MAPK8: variants seen among roughly 807,000 people sequenced by gnomAD.
The protein encoded by MAPK8 is JUN N-terminal kinase.
MAPK8 carries 13 observed loss-of-function variants against 52.9 expected under a neutral mutation model. The ratio of observed to expected loss-of-function variants is 0.25; its 90% CI spans 0.16 to 0.39. MAPK8 has a LOEUF of 0.39. MAPK8 is among the 10% of genes least tolerant of loss of function. The pLI, the probability that MAPK8 is intolerant of heterozygous loss-of-function variation, is 1.00. For synonymous variants in MAPK8, 191 were observed against 169.8 expected (o/e 1.12, Z -0.97); for missense variants, 300 against 519.2 (o/e 0.58, Z 4.10).
intron 3 of MAPK8, among the ~76,000 whole-genome samples, chr10:48,406,969 C>T (rs1589216697): frequency 1.3e-5 from 2 of 152,290 alleles, no homozygotes; most frequent in African/African-American, 4.8e-5. Flanking sequence ...CGTTGTCTTT[C>T]TTTGTTACAG....
chr10:48,371,971 G>C (rs1309416000), intron 1 of MAPK8, among the ~76,000 whole-genome samples: 1 of 152,132 alleles, frequency 6.6e-6, no homozygotes, highest in East Asian at 1.9e-4. Flanking sequence ...CGTGGAGAAG[G>C]GGCATGGAGT....
At chr10:48,354,546 G>C (rs560985413) in intron 1 of MAPK8, among the ~76,000 whole-genome samples, 6 of 152,294 alleles carry the variant, frequency 3.9e-5, no homozygotes, top group African/African-American at 1.4e-4. Flanking sequence ...TTAAAACAAA[G>C]ATTGCTGGGC....
At chr10:48,402,984 T>C (rs1463658560) in intron 2 of MAPK8, among the ~76,000 whole-genome samples, 1 of 152,162 alleles carries the variant, frequency 6.6e-6, no homozygotes, top group African/African-American at 2.4e-5. Flanking sequence ...AATATATATA[T>C]ACATCATTAT....
intron 1 of MAPK8, among the ~76,000 whole-genome samples, chr10:48,374,095 C>G (rs570377074): frequency 6.6e-6 from 1 of 152,154 alleles, no homozygotes; most frequent in Non-Finnish European, 1.5e-5. Flanking sequence ...GAAACTCACT[C>G]AAAAACGCAC....
At chr10:48,307,796 A>G (rs1295376563) in intron 1 of MAPK8, among the ~76,000 whole-genome samples, 1 of 152,146 alleles carries the variant, frequency 6.6e-6, no homozygotes, top group African/African-American at 2.4e-5. Flanking sequence ...GGCAATTAGA[A>G]CATCTGTTTT....
chr10:48,438,216 C>G lies in MAPK8; in HGVS notation c.*3187C>G, dbSNP rs555072077. On this transcript the variant is annotated 3_prime_UTR_variant, in exon 12 of 12. Transcript: ENST00000374189. ...TAAACTTCTCTTACCAGTAGGTAAA[C>G]CAAACACCATTCTGTCATTAGCAGC... 3 of 152,240 alleles carry G rather than the reference C, an allele frequency of 2.0e-5. No individual in the cohort carries two copies. The highest frequency in any genetic ancestry group is 4.4e-5 in the Non-Finnish European group (3 of 68,046). 9.4% of individuals were successfully genotyped at this position (152,240 alleles called of 1,614,324 possible).
At chr10:48,328,416 T>C (rs1843745475) in intron 1 of MAPK8, among the ~76,000 whole-genome samples, 1 of 152,152 alleles carries the variant, frequency 6.6e-6, no homozygotes, top group Admixed American at 6.5e-5. Context: ...TTGTCTCACA[T>C]TTGGCCAGTG....
At position 48,420,325 on chromosome 10, in the gene MAPK8, GCA is replaced by G. The variant is rs2043281387; in HGVS notation, c.616+12_616+13del. 6.4e-7 allele frequency: 1 copy of G among 1,566,476 alleles called. No homozygotes were observed. The highest frequency in any genetic ancestry group is 8.7e-7 in the Non-Finnish European group (1 of 1,154,112). The stretch of plus-strand genomic sequence containing the variant: ...GCATGGGCTACAAGGAAAACGGTCA[GCA>G]CACACATTTATTTGAAATATTTTTC... On this transcript the variant is annotated splice_donor_region_variant and intron_variant, in intron 6 of 11. Transcript: ENST00000374189.
rs1360808463 is a variant in MAPK8 at position 48,427,185 on chromosome 10, T to G, written c.1060+42T>G. On this transcript the variant is annotated intron_variant, in intron 10 of 11. Coordinates refer to ENST00000374189, the MANE Select transcript of MAPK8 (RefSeq NM_001323329.2). ...CTTAGAGGGAAAACTGTGAAGGAGC[T>G]TCTGGTTTTTATATGGTGATTTATT... 3 of 1,478,076 alleles carry G rather than the reference T, an allele frequency of 2.0e-6. No homozygotes were observed. In the South Asian group the frequency reaches 3.5e-5, roughly 17 times the overall value. 91.6% of individuals were successfully genotyped at this position (1,478,076 alleles called of 1,614,324 possible). A position where few individuals can be genotyped will look rare whatever the true frequency, so the allele number is the denominator to read the frequency against.
chr10:48,375,038 C>T (rs1394542759), intron 1 of MAPK8, among the ~76,000 whole-genome samples: 1 of 151,880 alleles, frequency 6.6e-6, no homozygotes, highest in Non-Finnish European at 1.5e-5. Context: ...AGCTTATCCA[C>T]CATGATCAAG....
chr10:48,321,947 T>C (rs1843039719), intron 1 of MAPK8, among the ~76,000 whole-genome samples: 1 of 152,204 alleles, frequency 6.6e-6, no homozygotes, highest in Admixed American at 6.5e-5. Flanking sequence ...TATTTATATA[T>C]AGATACACAC....
intron 1 of MAPK8, among the ~76,000 whole-genome samples, chr10:48,376,297 C>G (rs775220068): frequency 6.6e-6 from 1 of 152,100 alleles, no homozygotes; most frequent in Non-Finnish European, 1.5e-5. Context: ...AGAGGAAAAC[C>G]TAGGCAGTAC....
At chr10:48,407,556 TTTTGAAAA>T (rs1356054163) in intron 3 of MAPK8, among the ~76,000 whole-genome samples, 1 of 152,162 alleles carries the variant, frequency 6.6e-6, no homozygotes, top group Non-Finnish European at 1.5e-5. Context: ...TTATTTCCCT[TTTTGAAAA>T]ATGGGACAAC....
intron 1 of MAPK8, among the ~76,000 whole-genome samples, chr10:48,363,630 G>T (rs992013771): frequency 6.6e-6 from 1 of 152,004 alleles, no homozygotes; most frequent in East Asian, 1.9e-4. Flanking sequence ...GAACATATTT[G>T]TTACTGTTTT....
chr10:48,346,411 G>A (rs946900801), intron 1 of MAPK8, among the ~76,000 whole-genome samples: 5 of 152,238 alleles, frequency 3.3e-5, no homozygotes, highest in Non-Finnish European at 7.3e-5. Flanking sequence ...TGTTATGCCC[G>A]GACAGGGCCA....
chr10:48,322,315 T>TAAAA (rs10666309), intron 1 of MAPK8, among the ~76,000 whole-genome samples: 1 of 150,566 alleles, frequency 6.6e-6, no homozygotes. Context: ...TTTCATGATT[T>TAAAA]AAAAAAAAAA....
At chr10:48,425,803 T>A in intron 7 of MAPK8, 85 bp from the exon 8 acceptor site, 1 of 457,382 alleles carries the variant, frequency 2.2e-6, no homozygotes, top group Non-Finnish European at 3.4e-6. Context: ...TAGGAATTTT[T>A]AAATTTCTAT....
At chr10:48,349,206 C>G (rs1589027745) in intron 1 of MAPK8, among the ~76,000 whole-genome samples, 1 of 152,070 alleles carries the variant, frequency 6.6e-6, no homozygotes, top group Non-Finnish European at 1.5e-5. Context: ...CTGTCAATAT[C>G]AGACAGATCG....
chr10:48,348,184 T>C (rs942867020), intron 1 of MAPK8, among the ~76,000 whole-genome samples: 4 of 152,264 alleles, frequency 2.6e-5, no homozygotes, highest in Admixed American at 1.3e-4. Context: ...GCTGCATAAA[T>C]GTCTTCTTTT....
Sources: gnomAD v4.1 joint callset for allele counts (sites outside exome capture counted in the v4.1 genomes callset) on GRCh38, gnomAD v4.1.1 for gene constraint, MANE v1.5 for transcripts, NCBI Gene and HGNC (gene_info 2026-07-23, HGNC 2026-07-21) for gene names.